URI1: variants seen among roughly 807,000 people sequenced by gnomAD.
URI1 encodes unconventional prefoldin RPB5 interactor 1.
In URI1, 39 loss-of-function variants were observed where a neutral mutation model predicts 60.2. The observed-to-expected ratio is 0.65, with a 90% confidence interval of 0.50 to 0.85. URI1 has a LOEUF of 0.85. Among genes scored for constraint, URI1 ranks in the 40% least tolerant of loss-of-function variants. URI1 has a pLI of 0.00. For missense variants in URI1, 691 were observed against 665.9 expected (o/e 1.04, Z -0.42); for synonymous variants, 251 against 236.8 (o/e 1.06, Z -0.55).
chr19:29,956,933 G>C, intron 1 of URI1: 1 of 1,049,742 alleles, frequency 9.5e-7, no homozygotes, highest in Non-Finnish European at 1.5e-6. Context: ...TCCCTTCAGA[G>C]TAACGTTGAC....
chr19:30,013,768 A>G (rs1000330252), intron 10 of URI1, among the ~76,000 whole-genome samples: 6 of 152,148 alleles, frequency 3.9e-5, no homozygotes, highest in Non-Finnish European at 8.8e-5. Context: ...AGGCATTTTA[A>G]ATAGAAGAAG....
At position 29,985,445 on chromosome 19, in the gene URI1, G is replaced by A. The variant is rs2055656535; in HGVS notation, c.231+144G>A. 5.2e-6 allele frequency: 3 copies of A among 573,642 alleles called. No individual in the cohort carries two copies. The South Asian group carries it at 1.1e-4, about 22-fold the overall frequency. 35.5% of individuals were successfully genotyped at this position (573,642 alleles called of 1,614,324 possible). A position where few individuals can be genotyped will look rare whatever the true frequency, so the allele number is the denominator to read the frequency against. On this transcript the variant is annotated intron_variant, in intron 3 of 10. Transcript: ENST00000392271. The stretch of plus-strand genomic sequence containing the variant: ...AGATTTGTTTTGTTTTACTTTATAA[G>A]AACACAGTAATTGTAGTAATTGTTG...
At chr19:29,980,463 A>T (rs938582705) in intron 2 of URI1, 1 of 151,848 alleles carries the variant, frequency 6.6e-6, no homozygotes, top group Non-Finnish European at 1.5e-5. Flanking sequence ...AAAAAATAAA[A>T]ATTTAACTCT....
intron 3 of URI1, among the ~76,000 whole-genome samples, chr19:29,985,808 A>G (rs1016234402): frequency 6.6e-6 from 1 of 152,206 alleles, no homozygotes; most frequent in African/African-American, 2.4e-5. Context: ...GTTCTTTTAT[A>G]CTAGTCCAAG....
At chr19:29,953,496 CTG>C (rs988220456) in intron 1 of URI1, among the ~76,000 whole-genome samples, 2 of 152,136 alleles carry the variant, frequency 1.3e-5, no homozygotes, top group African/African-American at 4.8e-5. Context: ...TAAAAACAAT[CTG>C]AATTCTCAAC....
chr19:29,951,492 G>A (rs1289670473), intron 1 of URI1, among the ~76,000 whole-genome samples: 2 of 150,274 alleles, frequency 1.3e-5, no homozygotes, highest in Non-Finnish European at 3.0e-5. Context: ...TCCTTTTGAT[G>A]TTCAAATTGT....
Position 29,942,592 on chromosome 19 carries a change from T to G in URI1, c.45T>G (p.Pro15=). 26 of 1,071,300 alleles carry G rather than the reference T, an allele frequency of 2.4e-5. No individual in the cohort carries two copies. The highest frequency in any genetic ancestry group is 2.2e-4 in the East Asian group (3 of 13,890). The allele number at this position is 1,071,300 out of a possible 1,614,324, so 66.4% of individuals were successfully genotyped here. The change falls in exon 1 of 11, where the codon CCT becomes CCG. Residue 15 remains proline (P), a synonymous_variant. Coordinates refer to ENST00000392271, the MANE Select transcript of URI1 (RefSeq NM_003796.3). ...AGACGCCCCCCGACCCCTCGCCCCCTTCGGCCCCGGCCCCTGCCCTGGTTC... is the reference window on the plus strand; with the variant it reads ...AGACGCCCCCCGACCCCTCGCCCCCGTCGGCCCCGGCCCCTGCCCTGGTTC... ...TVETPPDPSP[P]SAPAPALVPL...
rs770324421 is a variant in URI1 at position 29,942,632 on chromosome 19, G to A, written c.85G>A (p.Asp29Asn). 1.7e-4 allele frequency: 254 copies of A among 1,464,966 alleles called. No homozygotes were observed. The highest frequency in any genetic ancestry group is 2.2e-4 in the Non-Finnish European group (243 of 1,112,026). 90.7% of individuals were successfully genotyped at this position (1,464,966 alleles called of 1,614,324 possible). A position where few individuals can be genotyped will look rare whatever the true frequency, so the allele number is the denominator to read the frequency against. The change falls in exon 1 of 11, where the codon GAT (aspartate) becomes AAT (asparagine). Residue 29 changes from aspartate (D) to asparagine (N), a missense_variant. Coordinates refer to ENST00000392271, the MANE Select transcript of URI1 (RefSeq NM_003796.3). ...APALVPLRAP[D>N]VARLREEQEK... The stretch of plus-strand genomic sequence containing the variant: ...TGCCCTGGTTCCGTTGCGCGCCCCG[G>A]ATGTGGCGCGGCTGCGCGAGGAGCA...
At chr19:29,964,453 T>G (rs1402477068) in intron 1 of URI1, among the ~76,000 whole-genome samples, 2 of 149,268 alleles carry the variant, frequency 1.3e-5, no homozygotes, top group Non-Finnish European at 3.0e-5. Context: ...TTTGTTTTTG[T>G]TTTTTGTTTT....
At chr19:29,956,285 CTTT>C (rs369678110) in intron 1 of URI1, 542 of 373,644 alleles carry the variant, frequency 1.5e-3, no homozygotes, top group South Asian at 2.4e-3. Context: ...CCAGAGTAGT[CTTT>C]TTTTTTTTTT....
chr19:29,944,140 C>CATATATATATATATATAT (rs56329506), intron 1 of URI1, among the ~76,000 whole-genome samples: 4 of 37,144 alleles, frequency 1.1e-4, no homozygotes, highest in Admixed American at 6.1e-4. Flanking sequence ...CCCTGTCATT[C>CATATATATATATATATAT]ATATATATAT....
intron 2 of URI1, among the ~76,000 whole-genome samples, chr19:29,973,642 A>G (rs1014801246): frequency 2.0e-5 from 3 of 152,152 alleles, no homozygotes; most frequent in African/African-American, 7.2e-5. Context: ...TAGGACAGGG[A>G]GTAAAAATAT....
chr19:29,967,294 T>G (rs2055402667), intron 1 of URI1, among the ~76,000 whole-genome samples: 1 of 152,196 alleles, frequency 6.6e-6, no homozygotes, highest in South Asian at 2.1e-4. Flanking sequence ...AGAAAAATAT[T>G]TTTGGATGGG....
chr19:29,993,667 T>A (rs1599711162), intron 4 of URI1, among the ~76,000 whole-genome samples: 1 of 152,184 alleles, frequency 6.6e-6, no homozygotes, highest in African/African-American at 2.4e-5. Flanking sequence ...TGGGCTTTTT[T>A]AAAAATTATT....
At chr19:30,014,773 C>T in intron 10 of URI1, 114 bp from the exon 11 acceptor site, 1 of 1,081,830 alleles carries the variant, frequency 9.2e-7, no homozygotes, top group Non-Finnish European at 1.3e-6. Flanking sequence ...GTTGTCTAGC[C>T]AAAAATCTCG....
chr19:29,975,755 C>T (rs2055514335), intron 2 of URI1, among the ~76,000 whole-genome samples: 1 of 152,198 alleles, frequency 6.6e-6, no homozygotes, highest in Non-Finnish European at 1.5e-5. Context: ...ATGCACCCTC[C>T]TCCGCCTCCT....
At chr19:30,008,104 C>G (rs1333046867) in intron 7 of URI1, among the ~76,000 whole-genome samples, 1 of 152,034 alleles carries the variant, frequency 6.6e-6, no homozygotes, top group Admixed American at 6.6e-5. Flanking sequence ...CTTTTATAAA[C>G]TTTGGAGCAG....
At chr19:29,995,928 G>A (rs2055806953) in intron 4 of URI1, among the ~76,000 whole-genome samples, 1 of 152,140 alleles carries the variant, frequency 6.6e-6, no homozygotes, top group African/African-American at 2.4e-5. Flanking sequence ...CATTTATGAG[G>A]TCTTATGTCT....
intron 1 of URI1, among the ~76,000 whole-genome samples, chr19:29,927,863 C>G (rs529576203): frequency 6.6e-6 from 1 of 151,974 alleles, no homozygotes; most frequent in Non-Finnish European, 1.5e-5. Flanking sequence ...GCGTGACCTA[C>G]GGTGCCCGGC....
Sources: gnomAD v4.1 joint callset for allele counts (sites outside exome capture counted in the v4.1 genomes callset) on GRCh38, gnomAD v4.1.1 for gene constraint, MANE v1.5 for transcripts, NCBI Gene and HGNC (gene_info 2026-07-23, HGNC 2026-07-21) for gene names.